Variants in TIAL1 observed in about 807,000 individuals in gnomAD.
The protein encoded by TIAL1 is TIA1 cytotoxic granule associated RNA binding protein like 1, also known as nucleolysin TIAR.
In TIAL1, 7 loss-of-function variants were observed where a neutral mutation model predicts 59.7. The observed-to-expected ratio is 0.12, with a 90% CI of 0.07 to 0.22. The LOEUF (loss-of-function observed/expected upper bound fraction) is 0.22, where lower values mean the gene tolerates loss of function less well. TIAL1 is among the 10% of genes least tolerant of loss of function. The pLI is 1.00. For missense variants in TIAL1, 225 were observed against 462.5 expected, an observed-to-expected ratio of 0.49 and a Z score of 4.71; for synonymous variants, 149 against 146.3, an observed-to-expected ratio of 1.02 and a Z score of -0.13.
chr10:119,574,932 T>C lies in TIAL1; in HGVS notation c.*733A>G, dbSNP rs955965576. On this transcript the variant is annotated 3_prime_UTR_variant, in exon 12 of 12. Transcript: ENST00000436547. Reference sequence around the variant, plus strand: ...CACAAGTATGACTGTCTGACTTCAATACAAACACCATACTTGGATTTCCCC... The same window carrying C: ...CACAAGTATGACTGTCTGACTTCAACACAAACACCATACTTGGATTTCCCC... 26 of 152,782 alleles carry C rather than the reference T, an allele frequency of 1.7e-4. No homozygotes were observed. The highest frequency in any genetic ancestry group is 6.0e-4 in the African/African-American group (25 of 41,572). 9.5% of individuals were successfully genotyped at this position (152,782 alleles called of 1,614,324 possible).
At chr10:119,576,910 G>C in intron 10 of TIAL1, 160 bp from the exon 11 acceptor site, 1 of 1,331,990 alleles carries the variant, frequency 7.5e-7, no homozygotes, top group Middle Eastern at 2.1e-4. Context: ...TGACACCTGT[G>C]AAAAGAAAGT....
intron 2 of TIAL1, among the ~76,000 whole-genome samples, chr10:119,583,488 T>C (rs1845394912): frequency 6.6e-6 from 1 of 152,194 alleles, no homozygotes; most frequent in African/African-American, 2.4e-5. Flanking sequence ...AACTGCAACC[T>C]GTACTGAATA....
In TIAL1 at chr10:119,596,673, A is replaced by C; in HGVS notation, c.-208T>G. ...CAGGAGGAGGAGGAGGATGAACAAA[A>C]TGGCCGCCGCCACCAGCCAGGCAGG... On this transcript the variant is annotated 5_prime_UTR_variant, in exon 1 of 12. Transcript: ENST00000436547. 1 of 587,482 alleles carries C rather than the reference A, an allele frequency of 1.7e-6. No individual in the cohort carries two copies. The allele number at this position is 587,482 out of a possible 1,614,324, so 36.4% of individuals were successfully genotyped here. A position where few individuals can be genotyped will look rare whatever the true frequency, so the allele number is the denominator to read the frequency against.
chr10:119,590,645 G>C (rs1010318028), intron 1 of TIAL1, among the ~76,000 whole-genome samples: 3 of 152,036 alleles, frequency 2.0e-5, no homozygotes, highest in African/African-American at 7.3e-5. Flanking sequence ...GGGAGGCAGA[G>C]GTTGCAGTGA....
chr10:119,590,572 T>C (rs1845798295), intron 1 of TIAL1, among the ~76,000 whole-genome samples: 2 of 152,004 alleles, frequency 1.3e-5, no homozygotes, highest in African/African-American at 4.8e-5. Context: ...TAGCCGGGCA[T>C]GGTGGCGCGC....
At chr10:119,595,185 T>G (rs1367614255) in intron 1 of TIAL1, among the ~76,000 whole-genome samples, 1 of 152,122 alleles carries the variant, frequency 6.6e-6, no homozygotes, top group African/African-American at 2.4e-5. Context: ...CATCCTTTCT[T>G]TGGTAGGAGT....
chr10:119,593,230 T>C (rs1004214180), intron 1 of TIAL1, among the ~76,000 whole-genome samples: 1 of 152,184 alleles, frequency 6.6e-6, no homozygotes, highest in Non-Finnish European at 1.5e-5. Context: ...AACACCAGTA[T>C]TACACAGCAT....
chr10:119,582,703 A>T lies in TIAL1; in HGVS notation c.130-146T>A. On this transcript the variant is annotated intron_variant, in intron 2 of 11. Transcript: ENST00000436547. This position sits in a 1 kb window ranked among gnomAD's most constrained non-coding sequence, Gnocchi z 5.1. ...ATGAAAGCCTAACACTTTTTAAATA[A>T]GATTTAAAGCTAAACCTGACTTTGC... 1.5e-6 allele frequency: 2 copies of T among 1,314,666 alleles called. No homozygotes were observed. Among genetic ancestry groups the T allele is most frequent in the Non-Finnish European group, 2.0e-6 (2 of 996,736 alleles). 81.4% of individuals were successfully genotyped at this position (1,314,666 alleles called of 1,614,324 possible).
At chr10:119,581,641 C>A in intron 5 of TIAL1, 1 of 250,792 alleles carries the variant, frequency 4.0e-6, no homozygotes, top group Non-Finnish European at 7.7e-6. Flanking sequence ...ATAAGTTTTA[C>A]CATTCAAACA....
intron 9 of TIAL1, 119 bp downstream of exon 9, chr10:119,577,332 C>T: frequency 7.0e-7 from 1 of 1,428,918 alleles, no homozygotes. Flanking sequence ...AGGTAGGTAG[C>T]TTAAACTTCT....
Position 119,582,047 on chromosome 10 carries a change from G to A in TIAL1, c.284-38C>T. The A allele has an allele frequency of 6.2e-7, 1 of 1,608,948 alleles. No individual in the cohort carries two copies. Among genetic ancestry groups the A allele is most frequent in the Non-Finnish European group, 8.5e-7 (1 of 1,175,862 alleles). ...CATTTGGTAATCAAATACTTAAGAA[G>A]TCAGCCACTAAAACCTTTTTAAGGC... On this transcript the variant is annotated intron_variant, in intron 4 of 11. Transcript: ENST00000436547. This position sits in a 1 kb window ranked among gnomAD's most constrained non-coding sequence, Gnocchi z 5.1.
chr10:119,576,925 A>G lies in TIAL1; in HGVS notation c.861+155T>C, dbSNP rs1040359197. ...TGACACCTGTGAAAAGAAAGTATTA[A>G]GATTCAGTTAATACCGCAAATAATC... On this transcript the variant is annotated intron_variant, in intron 10 of 11. Transcript: ENST00000436547. The G allele has an allele frequency of 3.8e-6, 5 of 1,325,692 alleles. No homozygotes were observed. In the African/African-American group the frequency reaches 7.4e-5, roughly 20 times the overall value. 82.1% of individuals were successfully genotyped at this position (1,325,692 alleles called of 1,614,324 possible).
rs775599323 is a variant in TIAL1 at position 119,576,784 on chromosome 10, C to A, written c.862-34G>T. The A allele has an allele frequency of 3.1e-5, 50 of 1,607,840 alleles. No individual in the cohort carries two copies. The East Asian group carries it at 1.0e-3, about 34-fold the overall frequency. On this transcript the variant is annotated intron_variant, in intron 10 of 11. Transcript: ENST00000436547. ...AAGCAAAGTATTGTTTTAGGGAACACATAAGAAACACCGTATATGAAGAAA... is the reference window on the plus strand; with the variant it reads ...AAGCAAAGTATTGTTTTAGGGAACAAATAAGAAACACCGTATATGAAGAAA...
chr10:119,583,707 C>T (rs377205679), intron 2 of TIAL1, among the ~76,000 whole-genome samples: 1 of 151,988 alleles, frequency 6.6e-6, no homozygotes, highest in African/African-American at 2.4e-5. Flanking sequence ...CAAAATAAGA[C>T]GTCTAAACAA....
At chr10:119,577,036 TG>T (rs759807611) in intron 10 of TIAL1, 43 bp downstream of exon 10, 11 of 1,605,310 alleles carry the variant, frequency 6.9e-6, no homozygotes, top group Non-Finnish European at 8.5e-6. Context: ...TTATGTGACA[TG>T]TAAGATGGAA....
rs1426355247 is a variant in TIAL1 at position 119,575,599 on chromosome 10, T to G, written c.*66A>C. The G allele has an allele frequency of 6.3e-7, 1 of 1,575,034 alleles. No individual in the cohort carries two copies. The highest frequency in any genetic ancestry group is 1.7e-5 in the Admixed American group (1 of 58,172). On this transcript the variant is annotated 3_prime_UTR_variant, in exon 12 of 12. Coordinates refer to ENST00000436547, the MANE Select transcript of TIAL1 (RefSeq NM_003252.4). ...TTTCATTTTCCGATGTCTACTTTCA[T>G]GTCTTCAGAGTGTCACAGGAAATCG...
chr10:119,583,653 A>G (rs1845401972), intron 2 of TIAL1, among the ~76,000 whole-genome samples: 1 of 152,224 alleles, frequency 6.6e-6, no homozygotes, highest in African/African-American at 2.4e-5. Context: ...GATCTTTTCA[A>G]CCACAACAGT....
rs1844804372 is a variant in TIAL1, at chr10:119,573,563, T to A, written c.*2102A>T. ...TATATTTAGCTGTTAGTTATCTCAATAAGCTACTTAATTTACTGGCAGACC... is the reference window on the plus strand; with the variant it reads ...TATATTTAGCTGTTAGTTATCTCAAAAAGCTACTTAATTTACTGGCAGACC... On this transcript the variant is annotated 3_prime_UTR_variant, in exon 12 of 12. Transcript: ENST00000436547. 6.5e-6 allele frequency: 1 copy of A among 152,682 alleles called. No homozygotes were observed. Among genetic ancestry groups the A allele is most frequent in the Admixed American group, 6.5e-5 (1 of 15,288 alleles). The allele number at this position is 152,682 out of a possible 1,614,324, so 9.5% of individuals were successfully genotyped here.
chr10:119,581,396 A>G (rs4752335), intron 5 of TIAL1, among the ~76,000 whole-genome samples: 41,632 of 151,884 alleles, frequency 0.27, 6,181 homozygotes, highest in East Asian at 0.6. Context: ...TTTTAATAGT[A>G]TAATAGTACT....
Sources: gnomAD v4.1 joint callset for allele counts (sites outside exome capture counted in the v4.1 genomes callset) on GRCh38, gnomAD v4.1.1 for gene constraint, Gnocchi (gnomAD v3.1) non-coding constraint, MANE v1.5 for transcripts, NCBI Gene and HGNC (gene_info 2026-07-23, HGNC 2026-07-21) for gene names.